LIG3: variants seen among roughly 807,000 people sequenced by gnomAD.
LIG3 encodes the protein DNA ligase 3.
Under a neutral mutation model 110.9 loss-of-function variants are expected in LIG3, and 58 were observed. The observed-to-expected ratio is 0.52, with a 90% CI of 0.42 to 0.65. LIG3 has a LOEUF of 0.65. LIG3 is among the 30% of genes least tolerant of loss of function. The pLI is 0.00. For synonymous variants in LIG3, 422 were observed against 472.8 expected, an observed-to-expected ratio of 0.89 and a Z score of 1.39; for missense variants, 1,094 against 1,273.8, an observed-to-expected ratio of 0.86 and a Z score of 2.15.
chr17:34,991,195 T>G (rs192884508), intron 5 of LIG3, 81 bp downstream of exon 5: 848 of 1,395,198 alleles, frequency 6.1e-4, no homozygotes, highest in Non-Finnish European at 7.8e-4. Context: ...CTTTTTTTTT[T>G]TCTGGTTGGG....
At position 34,986,029 on chromosome 17, in the gene LIG3, G is replaced by A. The variant is rs755034091; in HGVS notation, c.589G>A (p.Val197Ile). 2 of 1,614,136 alleles carry A rather than the reference G, an allele frequency of 1.2e-6. No individual in the cohort carries two copies. Among genetic ancestry groups the A allele is most frequent in the South Asian group, 1.1e-5 (1 of 91,084 alleles). ...KAAGTPKKKA[V>I]VQAKLTTTGQ... ...AGCAGGTACACCAAAGAAGAAAGCT[G>A]TTGTCCAGGCTAAGTTGACAACCAC... Residue 197 changes from valine (V) to isoleucine (I), a missense_variant, in exon 3 of 20, where the codon GTT (valine) becomes ATT (isoleucine). Val to Ile is a conservative substitution (Grantham distance 29). Transcript: ENST00000378526.
In LIG3 at chr17:34,998,885, C is replaced by T. The variant is rs3136011; in HGVS notation, c.2113+158C>T. ...CCAAGCTGGCCTGAGTCACCTCAGGCAGAGCTGCTTACTCGGTTAGGGAGA... is the reference window on the plus strand; with the variant it reads ...CCAAGCTGGCCTGAGTCACCTCAGGTAGAGCTGCTTACTCGGTTAGGGAGA... On this transcript the variant is annotated intron_variant, in intron 14 of 19. Transcript: ENST00000378526. 4,884 of 784,408 alleles carry T rather than the reference C, an allele frequency of 6.2e-3. 159 individuals are homozygous for T. In the African/African-American group the frequency reaches 0.076, roughly 12 times the overall value. The allele number at this position is 784,408 out of a possible 1,614,324, so 48.6% of individuals were successfully genotyped here.
chr17:35,005,516 C>T lies in LIG3; in HGVS notation c.*1010C>T, dbSNP rs1180362104. The T allele has an allele frequency of 3.5e-6, 2 of 571,666 alleles. No individual in the cohort carries two copies. The highest frequency in any genetic ancestry group is 1.9e-5 in the African/African-American group (1 of 53,620). The allele number at this position is 571,666 out of a possible 1,614,324, so 35.4% of individuals were successfully genotyped here. On this transcript the variant is annotated 3_prime_UTR_variant, in exon 20 of 20. Coordinates refer to ENST00000378526, the MANE Select transcript of LIG3 (RefSeq NM_013975.4). Reference sequence around the variant, plus strand: ...CATCAGAGGCCAGTAGCTTTCTTGGCCTACAAAGTAAATGGACAGTATATT... The same window carrying T: ...CATCAGAGGCCAGTAGCTTTCTTGGTCTACAAAGTAAATGGACAGTATATT...
At chr17:34,997,206 G>A (rs182186306) in intron 11 of LIG3, 1 of 166,702 alleles carries the variant, frequency 6.0e-6, no homozygotes, top group Admixed American at 5.5e-5. Flanking sequence ...TGAGAAACCA[G>A]TATCAGCCCT....
intron 3 of LIG3, among the ~76,000 whole-genome samples, chr17:34,987,565 G>C (rs2090669498): frequency 6.6e-6 from 1 of 152,184 alleles, no homozygotes; most frequent in African/African-American, 2.4e-5. Context: ...GAGATTGAAA[G>C]ACATTTTATG....
In LIG3 at chr17:35,005,258, A is replaced by T; in HGVS notation, c.*752A>T. On this transcript the variant is annotated 3_prime_UTR_variant, in exon 20 of 20. Transcript: ENST00000378526. ...GACTGTTCTTTAAGAATAAAAATCC[A>T]CATGGGGCTTGAGGCCAAGAACAGC... The T allele has an allele frequency of 2.0e-6, 1 of 509,786 alleles. No homozygotes were observed. The highest frequency in any genetic ancestry group is 4.0e-6 in the Non-Finnish European group (1 of 252,746). 31.6% of individuals were successfully genotyped at this position (509,786 alleles called of 1,614,324 possible).
chr17:34,989,373 T>C (rs1433214829), intron 3 of LIG3, 93 bp from the exon 4 acceptor site: 2 of 1,162,136 alleles, frequency 1.7e-6, no homozygotes, highest in African/African-American at 3.1e-5. Context: ...TAAATAAAGC[T>C]AAATACCAGC....
chr17:35,000,394 G>A (rs1284943473), intron 16 of LIG3, among the ~76,000 whole-genome samples: 1 of 152,158 alleles, frequency 6.6e-6, no homozygotes, highest in East Asian at 1.9e-4. Context: ...AGGTAGCTGG[G>A]ATTACAGGCA....
intron 4 of LIG3, among the ~76,000 whole-genome samples, chr17:34,990,492 T>C (rs1380349456): frequency 6.6e-6 from 1 of 152,162 alleles, no homozygotes; most frequent in Non-Finnish European, 1.5e-5. Flanking sequence ...TTTGCCCAGG[T>C]TGGTCTCAAA....
intron 19 of LIG3, 156 bp from the exon 20 acceptor site, chr17:35,004,117 T>C (rs1400614429): frequency 1.3e-5 from 8 of 618,730 alleles, no homozygotes; most frequent in Admixed American, 2.7e-5. Flanking sequence ...TTGGAGTGAC[T>C]GGAGGGGTGG....
intron 11 of LIG3, chr17:34,997,190 T>C (rs1009512670): frequency 6.1e-6 from 1 of 165,220 alleles, no homozygotes; most frequent in African/African-American, 2.4e-5. Context: ...TCCATATGCT[T>C]GTGCCTGAGA....
rs1314088650 is a variant in LIG3 at position 34,983,033 on chromosome 17, C to T, written c.28C>T (p.Pro10Ser). The T allele has an allele frequency of 1.3e-6, 2 of 1,589,174 alleles. No homozygotes were observed. MSLAFKIFF[P>S]QTLRALSRKE... is the part of the protein sequence containing the mutation. ...GTCTTTGGCTTTCAAGATCTTCTTT[C>T]CACAAACCCTCCGTGCACTCAGCCG... Residue 10 changes from proline to serine, a missense_variant, in exon 2 of 20, where the codon CCA becomes TCA. Transcript: ENST00000378526.
At position 35,005,691 on chromosome 17, in the gene LIG3, A is replaced by G. The variant is rs540078045; in HGVS notation, c.*1185A>G. 1.4e-5 allele frequency: 8 copies of G among 561,284 alleles called. No individual in the cohort carries two copies. The highest frequency in any genetic ancestry group is 2.9e-5 in the Non-Finnish European group (8 of 277,410). 34.8% of individuals were successfully genotyped at this position (561,284 alleles called of 1,614,324 possible). On this transcript the variant is annotated 3_prime_UTR_variant, in exon 20 of 20. Coordinates refer to ENST00000378526, the MANE Select transcript of LIG3 (RefSeq NM_013975.4). Reference sequence around the variant, plus strand: ...CGTCTGTGTCCTACTGAGTTTTTTCATGGCTGGAGTATTCATGTGAATGAA... The same window carrying G: ...CGTCTGTGTCCTACTGAGTTTTTTCGTGGCTGGAGTATTCATGTGAATGAA...
chr17:34,982,125 A>C (rs954685995), intron 1 of LIG3, among the ~76,000 whole-genome samples: 1 of 152,208 alleles, frequency 6.6e-6, no homozygotes, highest in Non-Finnish European at 1.5e-5. Flanking sequence ...AAGGAAGCTC[A>C]GGAACAGAGG....
intron 1 of LIG3, among the ~76,000 whole-genome samples, chr17:34,981,798 TA>T (rs1458979295): frequency 6.6e-6 from 1 of 152,192 alleles, no homozygotes; most frequent in Non-Finnish European, 1.5e-5. Context: ...CCAGTATACT[TA>T]AAACTAGGAC....
At position 34,990,980 on chromosome 17, in the gene LIG3, G is replaced by C; in HGVS notation, c.907G>C (p.Val303Leu). The C allele has an allele frequency of 6.2e-7, 1 of 1,614,068 alleles. No individual in the cohort carries two copies. The highest frequency in any genetic ancestry group is 1.1e-5 in the South Asian group (1 of 91,082). Residue 303 changes from valine to leucine, a missense_variant, in exon 5 of 20, where the codon GTG (valine) becomes CTG (leucine). Val to Leu is a conservative substitution (Grantham distance 32). Transcript: ENST00000378526. ...GTCTCCAGATGGTTTCCACGGTGATGTGTACCTAACAGTGAAGCTGCTGCT... is the reference window on the plus strand; with the variant it reads ...GTCTCCAGATGGTTTCCACGGTGATCTGTACCTAACAGTGAAGCTGCTGCT... Reference protein sequence around the residue: ...GSAGDGFHGDVYLTVKLLLPG... With the variant: ...GSAGDGFHGDLYLTVKLLLPG...
rs2090896373 is a variant in LIG3 at position 35,006,525 on chromosome 17, C to T, written c.*2019C>T. The T allele has an allele frequency of 6.6e-6, 1 of 152,230 alleles. No homozygotes were observed. The highest frequency in any genetic ancestry group is 2.4e-5 in the African/African-American group (1 of 41,436). The allele number at this position is 152,230 out of a possible 1,614,324, so 9.4% of individuals were successfully genotyped here. A position where few individuals can be genotyped will look rare whatever the true frequency, so the allele number is the denominator to read the frequency against. On this transcript the variant is annotated 3_prime_UTR_variant, in exon 20 of 20. Coordinates refer to ENST00000378526, the MANE Select transcript of LIG3 (RefSeq NM_013975.4). ...ATTATGTAAAGCACTTAGCCCAGAGCCTAGCACATAGTTATCTAGAGTTGG... is the reference window on the plus strand; with the variant it reads ...ATTATGTAAAGCACTTAGCCCAGAGTCTAGCACATAGTTATCTAGAGTTGG...
intron 9 of LIG3, 105 bp from the exon 10 acceptor site, chr17:34,995,959 A>C: frequency 1.4e-6 from 2 of 1,405,446 alleles, no homozygotes; most frequent in Non-Finnish European, 9.7e-7. Flanking sequence ...GGCCTTCCAC[A>C]TGTTGTTCTA....
chr17:34,989,011 C>T (rs1306478047), intron 3 of LIG3, among the ~76,000 whole-genome samples: 1 of 151,684 alleles, frequency 6.6e-6, no homozygotes, highest in Admixed American at 6.6e-5. Flanking sequence ...ATCCTTCTGA[C>T]CACTTTTTTT....
Sources: allele counts gnomAD v4.1 joint callset (sites outside exome capture counted in the v4.1 genomes callset), GRCh38; gene constraint gnomAD v4.1.1; transcripts MANE v1.5; gene names NCBI Gene and HGNC (gene_info 2026-07-23, HGNC 2026-07-21).